The following EXO1 variants were observed in gnomAD, a reference collection of about 807,000 sequenced individuals.
EXO1 encodes exonuclease 1.
A neutral mutation model predicts 84.5 loss-of-function variants in EXO1; 69 were observed. That is an observed-to-expected ratio of 0.82 (90% CI 0.67 to 1.00). The LOEUF (loss-of-function observed/expected upper bound fraction) is 1.00, where lower values mean the gene tolerates loss of function less well. Ranked by LOEUF, EXO1 falls within the 50% of genes least tolerant of loss-of-function variation. The pLI is 0.00. For synonymous variants in EXO1, 373 were observed against 366.1 expected, an observed-to-expected ratio of 1.02 and a Z score of -0.21; for missense variants, 1,045 against 1,000.7, an observed-to-expected ratio of 1.04 and a Z score of -0.60.
intron 10 of EXO1, among the ~76,000 whole-genome samples, chr1:241,864,348 G>C (rs1451480052): frequency 6.6e-6 from 1 of 152,190 alleles, no homozygotes; most frequent in Non-Finnish European, 1.5e-5. Context: ...GTGAGTTGGG[G>C]CAGGCCAGGA....
At chr1:241,876,256 T>C (rs1002341103) in intron 12 of EXO1, among the ~76,000 whole-genome samples, 2 of 152,210 alleles carry the variant, frequency 1.3e-5, no homozygotes, top group Non-Finnish European at 2.9e-5. Flanking sequence ...GTCTTTGATG[T>C]GTCATTTTAT....
At chr1:241,860,738 G>T in intron 9 of EXO1, 34 bp downstream of exon 9, 2 of 1,555,028 alleles carry the variant, frequency 1.3e-6, no homozygotes, top group Non-Finnish European at 1.8e-6. Context: ...TAGAATTTGT[G>T]CATTTTTCTT....
chr1:241,871,047 A>G (rs527758807), intron 11 of EXO1, among the ~76,000 whole-genome samples: 1 of 152,224 alleles, frequency 6.6e-6, no homozygotes, highest in Admixed American at 6.6e-5. Flanking sequence ...TAATTTATGG[A>G]GTCCCCAAAT....
chr1:241,850,456 A>G lies in EXO1; in HGVS notation c.31A>G (p.Lys11Glu), dbSNP rs764987207. The G allele has an allele frequency of 1.2e-6, 2 of 1,613,962 alleles. No individual in the cohort carries two copies. The highest frequency in any genetic ancestry group is 1.7e-5 in the Admixed American group (1 of 60,010). ...GATACAGGGATTGCTACAATTTATCAAAGAAGCTTCAGAACCCATCCATGT... is the reference window on the plus strand; with the variant it reads ...GATACAGGGATTGCTACAATTTATCGAAGAAGCTTCAGAACCCATCCATGT... MGIQGLLQFI[K>E]EASEPIHVRK... Residue 11 changes from lysine to glutamate, a missense_variant, in exon 4 of 16, where the codon AAA (lysine) becomes GAA (glutamate). Coordinates refer to ENST00000366548, the MANE Select transcript of EXO1 (RefSeq NM_130398.4).
chr1:241,877,264 G>C (rs1662456441), intron 12 of EXO1, among the ~76,000 whole-genome samples: 1 of 152,124 alleles, frequency 6.6e-6, no homozygotes, highest in African/African-American at 2.4e-5. Flanking sequence ...AACTGGGAAG[G>C]GTTCTGAGTT....
chr1:241,870,277 A>AAAAAC (rs1209970100), intron 11 of EXO1, among the ~76,000 whole-genome samples: 1 of 152,230 alleles, frequency 6.6e-6, no homozygotes, highest in African/African-American at 2.4e-5. Context: ...ACACAAACAC[A>AAAAAC]AAAACAAAAC....
rs1661972146 is a variant in EXO1 at position 241,869,735 on chromosome 1, CTT to C, written c.1268-2296_1268-2295del. Among the ~76,000 whole-genome samples, 7 of 124,996 alleles carry C rather than the reference CTT, an allele frequency of 5.6e-5. No individual in the cohort carries two copies. The South Asian group carries it at 1.1e-3, about 20-fold the overall frequency. The allele number at this position is 124,996 out of a possible 152,430, so 82.0% of individuals were successfully genotyped here. ...AGTGTACATTCATCTTCCTTCCTTC[CTT>C]CCCTCCCTCCCTCCTTCCTTCCTTC... On this transcript the variant is annotated intron_variant, in intron 11 of 15. Transcript: ENST00000366548.
chr1:241,879,849 A>G (rs1662649365), intron 13 of EXO1, among the ~76,000 whole-genome samples: 1 of 152,042 alleles, frequency 6.6e-6, no homozygotes, highest in East Asian at 1.9e-4. Context: ...TCCTAAAAAT[A>G]CAAAAATCTT....
intron 12 of EXO1, 122 bp from the exon 13 acceptor site, chr1:241,878,627 T>A (rs532506582): frequency 2.8e-5 from 18 of 644,196 alleles, no homozygotes; most frequent in Middle Eastern, 4.1e-4. Context: ...CTTTATGAAA[T>A]TATATATTTA....
At position 241,889,462 on chromosome 1, in the gene EXO1, C is replaced by T; in HGVS notation, c.2406-3C>T. On this transcript the variant is annotated splice_region_variant and splice_polypyrimidine_tract_variant and intron_variant, in intron 15 of 15. Coordinates refer to ENST00000366548, the MANE Select transcript of EXO1 (RefSeq NM_130398.4). ...ACCAAATGTATTTTATTGTATTTTG[C>T]AGAGATTCTGAAAAGCTTCCTCCTT... 1 of 1,612,290 alleles carries T rather than the reference C, an allele frequency of 6.2e-7. No homozygotes were observed. The highest frequency in any genetic ancestry group is 8.5e-7 in the Non-Finnish European group (1 of 1,178,388).
intron 6 of EXO1, among the ~76,000 whole-genome samples, chr1:241,856,667 T>C (rs183849582): frequency 8.5e-5 from 13 of 152,322 alleles, no homozygotes; most frequent in African/African-American, 2.6e-4. Context: ...GGGGAAGATA[T>C]ATTCAAAACT....
chr1:241,880,362 C>CT (rs1558144990), intron 13 of EXO1, among the ~76,000 whole-genome samples: 1 of 152,120 alleles, frequency 6.6e-6, no homozygotes, highest in Non-Finnish European at 1.5e-5. Context: ...TTGGGGTTAT[C>CT]TTTTTTATAT....
chr1:241,866,721 TGTTTTTAA>T (rs1210664561), intron 10 of EXO1, 101 bp from the exon 11 acceptor site: 1 of 834,774 alleles, frequency 1.2e-6, no homozygotes, highest in East Asian at 2.6e-5. Context: ...CAACAGCTAT[TGTTTTTAA>T]GGGTAACTTA....
chr1:241,864,111 A>G (rs957203403), intron 10 of EXO1, among the ~76,000 whole-genome samples: 3 of 152,100 alleles, frequency 2.0e-5, no homozygotes, highest in African/African-American at 7.2e-5. Flanking sequence ...CTGGCCAGTC[A>G]TATTTGAAGG....
At position 241,858,715 on chromosome 1, in the gene EXO1, AAAGG is replaced by A; in HGVS notation, c.754_756+1del. The A allele has an allele frequency of 6.2e-7, 1 of 1,603,232 alleles. No homozygotes were observed. The highest frequency in any genetic ancestry group is 8.5e-7 in the Non-Finnish European group (1 of 1,170,004). On this transcript the variant is annotated splice_donor_variant and coding_sequence_variant, in exon 8 of 16. Transcript: ENST00000366548. LOFTEE classifies it high-confidence loss of function. ...GACTAGCCAATAATCCAGATATAGTAAAGGTAAGAGTGATTTGCTAAGTGTCATA... is the reference window on the plus strand; with the variant it reads ...GACTAGCCAATAATCCAGATATAGTATAAGAGTGATTTGCTAAGTGTCATA...
intron 11 of EXO1, among the ~76,000 whole-genome samples, chr1:241,870,481 A>G (rs851782): frequency 0.65 from 99,386 of 152,004 alleles, 33,476 homozygotes; most frequent in African/African-American, 0.81. Context: ...TTGAAATGTG[A>G]TCTGCTTACC....
intron 6 of EXO1, among the ~76,000 whole-genome samples, chr1:241,856,274 T>C (rs1427585528): frequency 6.6e-6 from 1 of 151,630 alleles, no homozygotes; most frequent in Non-Finnish European, 1.5e-5. Context: ...TTTTTTTTTT[T>C]TTAACTTCCC....
rs4149941 is a variant in EXO1 at position 241,866,388 on chromosome 1, A to G, written c.1042-442A>G. 7.7e-3 allele frequency among the ~76,000 whole-genome samples: 1,178 copies of G among 152,322 alleles called. 13 individuals carry two copies. Among genetic ancestry groups the G allele is most frequent in the African/African-American group, 0.027 (1,130 of 41,576 alleles). On this transcript the variant is annotated intron_variant, in intron 10 of 15. Coordinates refer to ENST00000366548, the MANE Select transcript of EXO1 (RefSeq NM_130398.4). ...CTCAGCCTCCCAAATTGCTGGGATT[A>G]TAGGCGTGAGCCACCGTGCCTGGCT... is the stretch of plus-strand genomic sequence containing the variant.
intron 4 of EXO1, among the ~76,000 whole-genome samples, chr1:241,851,211 G>C (rs962361547): frequency 3.3e-5 from 5 of 152,158 alleles, no homozygotes; most frequent in Non-Finnish European, 7.4e-5. Context: ...CTTGGGTACA[G>C]AAAACATACT....
Sources: allele counts gnomAD v4.1 joint callset (sites outside exome capture counted in the v4.1 genomes callset), GRCh38; gene constraint gnomAD v4.1.1; transcripts MANE v1.5; gene names NCBI Gene and HGNC (gene_info 2026-07-23, HGNC 2026-07-21).